The following VPS33A variants were observed in gnomAD, a reference collection of about 807,000 sequenced individuals.
The protein encoded by VPS33A is vacuolar protein sorting-associated protein 33A.
VPS33A carries 32 observed loss-of-function variants against 71.8 expected under a neutral mutation model. That is an observed-to-expected ratio of 0.45 (90% CI 0.34 to 0.60). The LOEUF (loss-of-function observed/expected upper bound fraction) is 0.60, where lower values mean the gene tolerates loss of function less well. Among genes scored for constraint, VPS33A ranks in the 20% least tolerant of loss-of-function variants. The pLI is 0.02. For missense variants in VPS33A, 625 were observed against 748.5 expected (o/e 0.84, Z 1.92); for synonymous variants, 311 against 292.7 (o/e 1.06, Z -0.64).
chr12:122,263,177 G>A (rs755085538), intron 3 of VPS33A, among the ~76,000 whole-genome samples: 2 of 151,886 alleles, frequency 1.3e-5, no homozygotes, highest in Non-Finnish European at 2.9e-5. Context: ...ATTTTTAGTA[G>A]AGACGGGGTT....
chr12:122,239,382 A>G (rs994063864), intron 9 of VPS33A, among the ~76,000 whole-genome samples: 18 of 151,892 alleles, frequency 1.2e-4, no homozygotes, highest in Non-Finnish European at 2.5e-4. Context: ...TGCACAGAAT[A>G]ATGTTAAATA....
intron 11 of VPS33A, among the ~76,000 whole-genome samples, chr12:122,234,919 CCT>C (rs1020687284): frequency 6.6e-6 from 1 of 152,172 alleles, no homozygotes; most frequent in African/African-American, 2.4e-5. Context: ...AGAACACCCC[CCT>C]CTCCTTGTCC....
chr12:122,251,774 T>TG (rs751408518), intron 4 of VPS33A, among the ~76,000 whole-genome samples: 3 of 148,590 alleles, frequency 2.0e-5, no homozygotes, highest in Non-Finnish European at 4.5e-5. Context: ...GGGCCTGTCG[T>TG]GGGGTGGGGG....
rs200119798 is a variant in VPS33A at position 122,232,961 on chromosome 12, G to C, written c.1448C>G (p.Thr483Arg). Residue 483 changes from threonine (T) to arginine (R), a missense_variant, in exon 12 of 13, where the codon ACG (threonine) becomes AGG (arginine). Physicochemically the swap from Thr to Arg is moderately conservative, Grantham distance 71. Transcript: ENST00000267199. ...WMDDVNEQNP[T>R]DISYVYSGYA... Reference sequence around the variant, plus strand: ...CCCACTGTACACATACGATATGTCCGTGGGGTTCTGTGAGATAATTAAAGA... The same window carrying C: ...CCCACTGTACACATACGATATGTCCCTGGGGTTCTGTGAGATAATTAAAGA... The C allele has an allele frequency of 6.3e-7, 1 of 1,592,296 alleles. No homozygotes were observed. The highest frequency in any genetic ancestry group is 8.6e-7 in the Non-Finnish European group (1 of 1,167,044).
chr12:122,252,331 C>T (rs1204140301), intron 4 of VPS33A, among the ~76,000 whole-genome samples: 9 of 151,656 alleles, frequency 5.9e-5, no homozygotes, highest in Non-Finnish European at 1.3e-4. Flanking sequence ...TGCAGTGGCG[C>T]GATCTCGGCT....
rs540074404 is a variant in VPS33A at position 122,242,979 on chromosome 12, T to C, written c.970-471A>G. Among the ~76,000 whole-genome samples the C allele has an allele frequency of 4.6e-5, 7 of 152,300 alleles. No individual in the cohort carries two copies. In the South Asian group the frequency reaches 1.2e-3, roughly 27 times the overall value. On this transcript the variant is annotated intron_variant, in intron 7 of 12. Transcript: ENST00000267199. ...AAAAAAGAGAAAAGAAAAGTATATA[T>C]ATGACTGAAATAATAGAGGTCATGG...
At chr12:122,250,907 A>G in intron 5 of VPS33A, 76 bp downstream of exon 5, 1 of 1,036,134 alleles carries the variant, frequency 9.7e-7, no homozygotes. Context: ...ATTTGTTTGT[A>G]AGGAGCTTCC....
Position 122,266,410 on chromosome 12 carries a change from T to TGCCATC in VPS33A, c.-3_-2insGATGGC. 1 of 1,609,308 alleles carries TGCCATC rather than the reference T, an allele frequency of 6.2e-7. No individual in the cohort carries two copies. The highest frequency in any genetic ancestry group is 8.5e-7 in the Non-Finnish European group (1 of 1,176,910). Reference sequence around the variant, plus strand: ...GCCGTAGGACAGATGAGCCGCCATCTTGCTCCACCACCCCCTGCCCCACAA... The same window carrying TGCCATC: ...GCCGTAGGACAGATGAGCCGCCATCTGCCATCTGCTCCACCACCCCCTGCCCCACAA... On this transcript the variant is annotated 5_prime_UTR_variant, in exon 1 of 13. The change creates a new upstream start codon in the 5' untranslated region. Coordinates refer to ENST00000267199, the MANE Select transcript of VPS33A (RefSeq NM_022916.6).
chr12:122,260,546 G>A (rs999405965), intron 4 of VPS33A, among the ~76,000 whole-genome samples: 4 of 151,862 alleles, frequency 2.6e-5, no homozygotes, highest in East Asian at 1.9e-4. Flanking sequence ...TGATCCACCC[G>A]CCTCAGCCTC....
At chr12:122,263,323 T>C (rs568355946) in intron 3 of VPS33A, among the ~76,000 whole-genome samples, 2 of 152,330 alleles carry the variant, frequency 1.3e-5, no homozygotes, top group African/African-American at 4.8e-5. Flanking sequence ...TACGTAATTA[T>C]TATTAACTAT....
intron 10 of VPS33A, among the ~76,000 whole-genome samples, chr12:122,236,804 A>G (rs1474637917): frequency 2.0e-5 from 3 of 152,198 alleles, no homozygotes; most frequent in African/African-American, 7.2e-5. Flanking sequence ...TAACCTGCCT[A>G]AAGTCACACA....
chr12:122,232,249 G>C lies in VPS33A; in HGVS notation c.1788C>G (p.Phe596Leu). ...TGTTAAGTCTCCTCTGAACATCCTA[G>C]AAAGGTTTTTCCATCAGAGCCTCTA... is the stretch of plus-strand genomic sequence containing the variant. ...SWIEALMEKP[F>L] Residue 596 changes from phenylalanine (F) to leucine (L), a missense_variant, in exon 13 of 13, where the codon TTC becomes TTG. Coordinates refer to ENST00000267199, the MANE Select transcript of VPS33A (RefSeq NM_022916.6). The C allele has an allele frequency of 6.2e-7, 1 of 1,610,514 alleles. No homozygotes were observed. Among genetic ancestry groups the C allele is most frequent in the Non-Finnish European group, 8.5e-7 (1 of 1,178,546 alleles).
chr12:122,235,932 G>A lies in VPS33A; in HGVS notation c.1303-9C>T, dbSNP rs1214259398. ...TGCTCATAGCCGTATGTCTGCAAGGGAAGTCATTTGGCCTTGATGTCAGAT... is the reference window on the plus strand; with the variant it reads ...TGCTCATAGCCGTATGTCTGCAAGGAAAGTCATTTGGCCTTGATGTCAGAT... On this transcript the variant is annotated splice_polypyrimidine_tract_variant and intron_variant, in intron 10 of 12. Transcript: ENST00000267199. 3 of 1,596,130 alleles carry A rather than the reference G, an allele frequency of 1.9e-6. No individual in the cohort carries two copies. Among genetic ancestry groups the A allele is most frequent in the Admixed American group, 3.6e-5 (2 of 55,590 alleles).
Position 122,232,143 on chromosome 12 carries a change from C to G in VPS33A, c.*103G>C. The G allele has an allele frequency of 9.0e-7, 1 of 1,105,316 alleles. No individual in the cohort carries two copies. The highest frequency in any genetic ancestry group is 1.3e-6 in the Non-Finnish European group (1 of 773,458). 68.5% of individuals were successfully genotyped at this position (1,105,316 alleles called of 1,614,324 possible). A position where few individuals can be genotyped will look rare whatever the true frequency, so the allele number is the denominator to read the frequency against. On this transcript the variant is annotated 3_prime_UTR_variant, in exon 13 of 13. Coordinates refer to ENST00000267199, the MANE Select transcript of VPS33A (RefSeq NM_022916.6). ...TAAGAAGCTGACCCCAGAATATATT[C>G]TGTATTCCCATGTTTCTTCTATGGG...
intron 11 of VPS33A, among the ~76,000 whole-genome samples, chr12:122,233,595 T>C (rs563342756): frequency 2.0e-5 from 3 of 152,314 alleles, no homozygotes; most frequent in Admixed American, 6.5e-5. Context: ...CCTTTGAACT[T>C]AGCAATTCTA....
intron 10 of VPS33A, among the ~76,000 whole-genome samples, chr12:122,237,992 C>T (rs965371697): frequency 7.3e-5 from 11 of 151,332 alleles, no homozygotes; most frequent in African/African-American, 2.7e-4. Flanking sequence ...TGCTATGTTG[C>T]CAGGCTGGTC....
Position 122,263,594 on chromosome 12 carries a change from T to G in VPS33A, c.274A>C (p.Ile92Leu), listed in dbSNP as rs114821540. ...TACCTGAGCACGTTTTCAGCGATTA[T>G]ATCCATCAACTCTAGCCTGGGTCTG... ...FVRPRLELMD[I>L]IAENVLSEDR... Residue 92 changes from isoleucine (I) to leucine (L), a missense_variant, in exon 3 of 13, where the codon ATA becomes CTA. Ile to Leu is a conservative substitution (Grantham distance 5). Coordinates refer to ENST00000267199, the MANE Select transcript of VPS33A (RefSeq NM_022916.6). The G allele has an allele frequency of 5.9e-4, 949 of 1,610,516 alleles. 3 individuals are homozygous for G. The African/African-American group carries it at 0.011, about 18-fold the overall frequency.
rs143604268 is a variant in VPS33A, at chr12:122,259,499, G to A, written c.483+1762C>T. Among the ~76,000 whole-genome samples the A allele has an allele frequency of 7.5e-4, 114 of 152,192 alleles. 4 individuals carry two copies. The highest frequency in any genetic ancestry group is 2.5e-3 in the African/African-American group (104 of 41,468). On this transcript the variant is annotated intron_variant, in intron 4 of 12. Coordinates refer to ENST00000267199, the MANE Select transcript of VPS33A (RefSeq NM_022916.6). Reference sequence around the variant, plus strand: ...CTCCCAAAGTGCTAGGATCACAGGCGTGAGCCACCACGCCCAGTCTCTACT... The same window carrying A: ...CTCCCAAAGTGCTAGGATCACAGGCATGAGCCACCACGCCCAGTCTCTACT...
rs146068873 is a variant in VPS33A at position 122,259,959 on chromosome 12, T to C, written c.483+1302A>G. ...TCAAAAGGCTGAGGCTGAAAATTCG[T>C]TCAAGCCTAGGAGGTCAAGGCTGCA... is the stretch of plus-strand genomic sequence containing the variant. On this transcript the variant is annotated intron_variant, in intron 4 of 12. Transcript: ENST00000267199. Among the ~76,000 whole-genome samples, 578 of 152,080 alleles carry C rather than the reference T, an allele frequency of 3.8e-3. 3 individuals carry two copies. Among genetic ancestry groups the C allele is most frequent in the Admixed American group, 7.0e-3 (107 of 15,260 alleles).
Sources: allele counts gnomAD v4.1 joint callset (sites outside exome capture counted in the v4.1 genomes callset), GRCh38; gene constraint gnomAD v4.1.1; transcripts MANE v1.5; gene names NCBI Gene and HGNC (gene_info 2026-07-23, HGNC 2026-07-21).